PGM2L1: variants seen among roughly 807,000 people sequenced by gnomAD.
PGM2L1 encodes phosphoglucomutase 2 like 1.
PGM2L1 carries 35 observed loss-of-function variants against 73.4 expected under a neutral mutation model. The observed-to-expected ratio is 0.48, with a 90% CI of 0.36 to 0.63. The LOEUF is 0.63. PGM2L1 is among the 30% of genes least tolerant of loss of function. PGM2L1 has a pLI of 0.00. For synonymous variants in PGM2L1, 225 were observed against 253.8 expected (o/e 0.89, Z 1.08); for missense variants, 570 against 742.0 (o/e 0.77, Z 2.69).
Position 74,338,605 on chromosome 11 carries a change from T to C in PGM2L1, c.1633-4A>G, listed in dbSNP as rs186899177. ...TGTTTTTACTCACAGGCAGCACCTA[T>C]GCAAAATGGCAACAACAGCTTAATT... On this transcript the variant is annotated splice_region_variant and splice_polypyrimidine_tract_variant and intron_variant, in intron 12 of 13. Transcript: ENST00000298198. 4 of 1,581,012 alleles carry C rather than the reference T, an allele frequency of 2.5e-6. No homozygotes were observed. In the Admixed American group the frequency reaches 5.2e-5, roughly 21 times the overall value.
intron 5 of PGM2L1, among the ~76,000 whole-genome samples, chr11:74,356,075 T>G (rs2134905287): frequency 6.6e-6 from 1 of 152,040 alleles, no homozygotes; most frequent in South Asian, 2.1e-4. Context: ...TAATGTGCTG[T>G]GTAAAGTTAG....
intron 1 of PGM2L1, among the ~76,000 whole-genome samples, chr11:74,389,947 C>CAAAAAAAAAAAAAAAAAAAAAAAAAAAAA (rs71065078): frequency 2.6e-5 from 1 of 38,572 alleles, no homozygotes. Context: ...ACTAAAAATA[C>CAAAAAAAAAAAAAAAAAAAAAAAAAAAAA]AAAAAAAAAA....
At chr11:74,355,995 T>G (rs1862448176) in intron 5 of PGM2L1, among the ~76,000 whole-genome samples, 1 of 152,184 alleles carries the variant, frequency 6.6e-6, no homozygotes, top group Non-Finnish European at 1.5e-5. Context: ...TTTTTTTTTT[T>G]GCACCCATGC....
chr11:74,347,613 T>C (rs72988791), intron 6 of PGM2L1, among the ~76,000 whole-genome samples: 2,731 of 152,322 alleles, frequency 0.018, 35 homozygotes, highest in Non-Finnish European at 0.028. Context: ...TTGTATCATC[T>C]AAGTAAATAT....
intron 1 of PGM2L1, among the ~76,000 whole-genome samples, chr11:74,388,591 G>A (rs550552): frequency 0.73 from 111,507 of 152,014 alleles, 41,901 homozygotes; most frequent in Non-Finnish European, 0.83. Flanking sequence ...CATTACTTAC[G>A]TTAAAGAGGT....
intron 5 of PGM2L1, among the ~76,000 whole-genome samples, chr11:74,352,261 CCA>C (rs1268431889): frequency 1.3e-5 from 2 of 151,994 alleles, no homozygotes; most frequent in African/African-American, 2.4e-5. Flanking sequence ...ATCCAAGAAA[CCA>C]CAGACTATTC....
chr11:74,354,730 AC>A lies in PGM2L1; in HGVS notation c.556-3155del, dbSNP rs1398885581. On this transcript the variant is annotated intron_variant, in intron 5 of 13. Coordinates refer to ENST00000298198, the MANE Select transcript of PGM2L1 (RefSeq NM_173582.6). ...AGCTGTTTCAAGAGAAAATTCTCAA[AC>A]ACCAGGTGCCCACTTAACTGTGAAA... 6 of 1,065,054 alleles carry A rather than the reference AC, an allele frequency of 5.6e-6. No individual in the cohort carries two copies. The East Asian group carries it at 9.4e-5, about 17-fold the overall frequency. The allele number at this position is 1,065,054 out of a possible 1,614,324, so 66.0% of individuals were successfully genotyped here.
At chr11:74,382,740 A>G (rs1017701139) in intron 1 of PGM2L1, among the ~76,000 whole-genome samples, 1 of 151,554 alleles carries the variant, frequency 6.6e-6, no homozygotes, top group South Asian at 2.1e-4. Flanking sequence ...TTCAGGCAAT[A>G]CTCCCGCCTC....
intron 2 of PGM2L1, among the ~76,000 whole-genome samples, chr11:74,373,503 A>AT (rs1414248529): frequency 6.6e-6 from 1 of 152,258 alleles, no homozygotes; most frequent in Non-Finnish European, 1.5e-5. Flanking sequence ...TATAAGCTAA[A>AT]TACATTATTG....
chr11:74,374,357 C>T, intron 2 of PGM2L1, 58 bp downstream of exon 2: 1 of 1,403,594 alleles, frequency 7.1e-7, no homozygotes, highest in Non-Finnish European at 9.6e-7. Context: ...GCTGGGATTA[C>T]AGGCATGAGC....
chr11:74,363,459 C>T (rs1417354315), intron 5 of PGM2L1, among the ~76,000 whole-genome samples: 2 of 150,948 alleles, frequency 1.3e-5, no homozygotes, highest in Admixed American at 1.3e-4. Context: ...ATCAACAAAA[C>T]TGACAGACCG....
intron 5 of PGM2L1, among the ~76,000 whole-genome samples, chr11:74,359,993 T>A (rs920361923): frequency 2.6e-4 from 39 of 152,014 alleles, no homozygotes; most frequent in African/African-American, 9.2e-4. Flanking sequence ...GGGATGGGGG[T>A]GAGAAGGGTC....
At chr11:74,386,886 G>C (rs1863025720) in intron 1 of PGM2L1, among the ~76,000 whole-genome samples, 2 of 152,156 alleles carry the variant, frequency 1.3e-5, no homozygotes, top group Non-Finnish European at 2.9e-5. Context: ...TTTGAGGAAA[G>C]GAAGAAGGGA....
In PGM2L1 at chr11:74,360,524, C is replaced by T. The variant is rs181710366; in HGVS notation, c.555+7968G>A. 4.6e-3 allele frequency among the ~76,000 whole-genome samples: 695 copies of T among 152,094 alleles called. 8 individuals carry two copies. Among genetic ancestry groups the T allele is most frequent in the African/African-American group, 0.016 (657 of 41,482 alleles). On this transcript the variant is annotated intron_variant, in intron 5 of 13. Transcript: ENST00000298198. Reference sequence around the variant, plus strand: ...ATTTCTGCATTTCCAACTGAGGTACCGGGTTCATCTCACTGGGGCTCGTTG... The same window carrying T: ...ATTTCTGCATTTCCAACTGAGGTACTGGGTTCATCTCACTGGGGCTCGTTG...
chr11:74,393,660 G>A (rs1863134506), intron 1 of PGM2L1, among the ~76,000 whole-genome samples: 1 of 152,130 alleles, frequency 6.6e-6, no homozygotes, highest in Non-Finnish European at 1.5e-5. Flanking sequence ...TACATTCTGA[G>A]ACCACAGTGC....
intron 3 of PGM2L1, among the ~76,000 whole-genome samples, 175 bp from the exon 4 acceptor site, chr11:74,371,161 A>G (rs1175522300): frequency 1.3e-5 from 2 of 152,212 alleles, no homozygotes; most frequent in African/African-American, 4.8e-5. Flanking sequence ...TTTTAAATAA[A>G]TAAGTTTTTT....
At position 74,332,372 on chromosome 11, in the gene PGM2L1, A is replaced by C. The variant is rs1001973676; in HGVS notation, c.*4280T>G. The C allele has an allele frequency of 6.6e-6, 1 of 152,312 alleles. No individual in the cohort carries two copies. Among genetic ancestry groups the C allele is most frequent in the Admixed American group, 6.5e-5 (1 of 15,288 alleles). The allele number at this position is 152,312 out of a possible 1,614,324, so 9.4% of individuals were successfully genotyped here. On this transcript the variant is annotated 3_prime_UTR_variant, in exon 14 of 14. Coordinates refer to ENST00000298198, the MANE Select transcript of PGM2L1 (RefSeq NM_173582.6). ...CAGATCAAAACAGGTTATGAAATAG[A>C]TTTAAAATTACTTCCTACAATAAGT...
At chr11:74,339,372 C>T (rs572142491) in intron 12 of PGM2L1, among the ~76,000 whole-genome samples, 14 of 152,232 alleles carry the variant, frequency 9.2e-5, no homozygotes, top group South Asian at 4.1e-4. Context: ...TCCACACATC[C>T]GTCTGTTGAG....
intron 1 of PGM2L1, among the ~76,000 whole-genome samples, chr11:74,392,348 GA>G (rs1357737213): frequency 6.6e-6 from 1 of 151,216 alleles, no homozygotes; most frequent in African/African-American, 2.4e-5. Flanking sequence ...GAAGTATAAA[GA>G]AAAAAATGAA....
Sources: gnomAD v4.1 joint callset for allele counts (sites outside exome capture counted in the v4.1 genomes callset) on GRCh38, gnomAD v4.1.1 for gene constraint, MANE v1.5 for transcripts, NCBI Gene and HGNC (gene_info 2026-07-23, HGNC 2026-07-21) for gene names.